The following COQ8A variants were observed in gnomAD, a reference collection of about 807,000 sequenced individuals.
The protein encoded by COQ8A is coenzyme Q8A.
In COQ8A, 51 loss-of-function variants were observed where a neutral mutation model predicts 65.0. That is an observed-to-expected ratio of 0.78 (90% CI 0.63 to 0.99). COQ8A has a LOEUF of 0.99. Ranked by LOEUF, COQ8A falls within the 50% of genes least tolerant of loss-of-function variation. COQ8A has a pLI of 0.00. For missense variants in COQ8A, 940 were observed against 875.0 expected (o/e 1.07, Z -0.94); for synonymous variants, 371 against 353.2 (o/e 1.05, Z -0.57).
chr1:226,952,590 T>C (rs1234619379), intron 1 of COQ8A, among the ~76,000 whole-genome samples: 1 of 151,994 alleles, frequency 6.6e-6, no homozygotes, highest in Non-Finnish European at 1.5e-5. Context: ...ATTTTTTTGT[T>C]TGTAGAGATG....
intron 1 of COQ8A, among the ~76,000 whole-genome samples, chr1:226,960,447 G>T (rs1458269485): frequency 7.7e-6 from 1 of 129,710 alleles, no homozygotes; most frequent in African/African-American, 2.8e-5. Flanking sequence ...GTGGTACTTG[G>T]TGGTGGTGGC....
chr1:226,977,526 G>T lies in COQ8A; in HGVS notation c.730+3G>T. On this transcript the variant is annotated splice_donor_region_variant and intron_variant, in intron 5 of 14. Coordinates refer to ENST00000366777, the MANE Select transcript of COQ8A (RefSeq NM_020247.5). Reference sequence around the variant, plus strand: ...CCTGCGCTCCGAGGACCCCTCAGGTGAGCCGGGCCCTTCAGTGGGAGGGGC... The same window carrying T: ...CCTGCGCTCCGAGGACCCCTCAGGTTAGCCGGGCCCTTCAGTGGGAGGGGC... 6.4e-7 allele frequency: 1 copy of T among 1,556,480 alleles called. No homozygotes were observed. Among genetic ancestry groups the T allele is most frequent in the Non-Finnish European group, 8.7e-7 (1 of 1,149,830 alleles).
intron 1 of COQ8A, among the ~76,000 whole-genome samples, chr1:226,948,470 T>G (rs1657180863): frequency 6.6e-6 from 1 of 152,206 alleles, no homozygotes; most frequent in Non-Finnish European, 1.5e-5. Context: ...CTGGGGATTG[T>G]GGTATGGGTA....
chr1:226,986,865 G>GC lies in COQ8A; in HGVS notation c.*132dup. On this transcript the variant is annotated 3_prime_UTR_variant, in exon 15 of 15. Transcript: ENST00000366777. Reference sequence around the variant, plus strand: ...CCAATAAGGGGGGTGGCTGCCTGGAGCCCCGTAGCCAGCGCTTTCCACGGT... The same window carrying GC: ...CCAATAAGGGGGGTGGCTGCCTGGAGCCCCCGTAGCCAGCGCTTTCCACGGT... 2 of 1,184,300 alleles carry GC rather than the reference G, an allele frequency of 1.7e-6. No homozygotes were observed. The highest frequency in any genetic ancestry group is 2.4e-6 in the Non-Finnish European group (2 of 838,236). The allele number at this position is 1,184,300 out of a possible 1,614,324, so 73.4% of individuals were successfully genotyped here.
chr1:226,958,735 G>A (rs1657967328), intron 1 of COQ8A, among the ~76,000 whole-genome samples: 1 of 152,178 alleles, frequency 6.6e-6, no homozygotes. Flanking sequence ...TCTTTTGGCT[G>A]CCCCTCCTCA....
rs568349198 is a variant in COQ8A at position 226,984,405 on chromosome 1, C to T, written c.1399-143C>T. 3.3e-4 allele frequency: 417 copies of T among 1,282,430 alleles called. 2 individuals carry two copies. Among genetic ancestry groups the T allele is most frequent in the Middle Eastern group, 1.4e-3 (7 of 5,108 alleles). 79.4% of individuals were successfully genotyped at this position (1,282,430 alleles called of 1,614,324 possible). ...GGGGACACAGGGGAGCTGCTGCCTT[C>T]CCTGGCCCAAGTAACACTGGGAATC... On this transcript the variant is annotated intron_variant, in intron 11 of 14. Coordinates refer to ENST00000366777, the MANE Select transcript of COQ8A (RefSeq NM_020247.5).
chr1:226,975,617 G>T (rs1157246086), intron 4 of COQ8A, among the ~76,000 whole-genome samples: 2 of 152,170 alleles, frequency 1.3e-5, no homozygotes, highest in Non-Finnish European at 2.9e-5. Flanking sequence ...ACAATTATAT[G>T]TGTGGCTTGC....
intron 4 of COQ8A, among the ~76,000 whole-genome samples, chr1:226,969,911 T>G (rs1658784870): frequency 6.6e-6 from 1 of 152,220 alleles, no homozygotes; most frequent in Non-Finnish European, 1.5e-5. Flanking sequence ...ATGTCCCCCT[T>G]TTTCTCACCT....
intron 1 of COQ8A, among the ~76,000 whole-genome samples, chr1:226,942,986 A>G (rs1656794805): frequency 6.6e-6 from 1 of 152,232 alleles, no homozygotes; most frequent in South Asian, 2.1e-4. Flanking sequence ...AGGGCAAGGA[A>G]AACCATCCTA....
chr1:226,983,456 A>G (rs1659839708), intron 8 of COQ8A, 96 bp from the exon 9 acceptor site: 1 of 1,168,014 alleles, frequency 8.6e-7, no homozygotes, highest in East Asian at 2.5e-5. Context: ...GGGCCAGGAC[A>G]CAGCTGGGAA....
intron 8 of COQ8A, 106 bp downstream of exon 8, chr1:226,983,140 C>T: frequency 2.7e-6 from 4 of 1,458,682 alleles, no homozygotes; most frequent in East Asian, 2.5e-5. Flanking sequence ...AGGGCACCCT[C>T]TCTCCTGGCA....
chr1:226,984,148 C>T lies in COQ8A; in HGVS notation c.1311C>T (p.Leu437=), dbSNP rs1277681914. ...ATGTGCCTGAGATTGTGGATGAGCT[C>T]TGCAGCCCACATGTGCTGACCACAG... ...FFYVPEIVDE[L]CSPHVLTTEL... Residue 437 remains leucine, a synonymous_variant, in exon 11 of 15, where the codon CTC becomes CTT. Transcript: ENST00000366777. 3 of 1,613,882 alleles carry T rather than the reference C, an allele frequency of 1.9e-6. No individual in the cohort carries two copies. The highest frequency in any genetic ancestry group is 2.5e-6 in the Non-Finnish European group (3 of 1,180,004).
intron 1 of COQ8A, among the ~76,000 whole-genome samples, chr1:226,960,518 G>A (rs1658172086): frequency 6.6e-6 from 1 of 151,526 alleles, no homozygotes; most frequent in Non-Finnish European, 1.5e-5. Flanking sequence ...TGGTGGTGGT[G>A]GTGCTTGGTG....
intron 1 of COQ8A, among the ~76,000 whole-genome samples, chr1:226,952,384 A>G (rs1235006527): frequency 1.3e-5 from 2 of 151,850 alleles, no homozygotes; most frequent in Non-Finnish European, 2.9e-5. Context: ...TTAATAAAAG[A>G]TATTTAAGAT....
Position 226,984,171 on chromosome 1 carries a change from C to T in COQ8A, c.1334C>T (p.Thr445Ile), listed in dbSNP as rs751500793. Residue 445 changes from threonine (T) to isoleucine (I), a missense_variant, in exon 11 of 15, where the codon ACA becomes ATA. Physicochemically the swap from Thr to Ile is moderately conservative, Grantham distance 89. Coordinates refer to ENST00000366777, the MANE Select transcript of COQ8A (RefSeq NM_020247.5). ...CTCTGCAGCCCACATGTGCTGACCA[C>T]AGAGCTGGTGTCTGGCTTCCCCCTG... is the stretch of plus-strand genomic sequence containing the variant. ...DELCSPHVLT[T>I]ELVSGFPLDQ... 6.2e-7 allele frequency: 1 copy of T among 1,613,852 alleles called. No individual in the cohort carries two copies. The highest frequency in any genetic ancestry group is 2.2e-5 in the East Asian group (1 of 44,856).
At chr1:226,964,909 G>C in intron 2 of COQ8A, 91 bp from the exon 3 acceptor site, 1 of 1,447,242 alleles carries the variant, frequency 6.9e-7, no homozygotes, top group Non-Finnish European at 9.6e-7. Flanking sequence ...GCGGGATGCT[G>C]GTGGTGTGCT....
chr1:226,962,386 T>C (rs1415474430), intron 2 of COQ8A, among the ~76,000 whole-genome samples: 1 of 152,218 alleles, frequency 6.6e-6, no homozygotes, highest in Non-Finnish European at 1.5e-5. Context: ...AATCGTGTGC[T>C]GGAGAGGTGA....
rs767350094 is a variant in COQ8A at position 226,986,581 on chromosome 1, G to A, written c.1788G>A (p.Arg596=). ...KIHNLIPVML[R]HRLVPPPEET... ...ACAACCTGATTCCCGTCATGCTGAG[G>A]CACCGTCTCGTCCCCCCACCCGAGG... Residue 596 remains arginine (R), a synonymous_variant, in exon 15 of 15, where the codon AGG becomes AGA. Coordinates refer to ENST00000366777, the MANE Select transcript of COQ8A (RefSeq NM_020247.5). 1.3e-5 allele frequency: 21 copies of A among 1,613,644 alleles called. No individual in the cohort carries two copies. The African/African-American group carries it at 1.9e-4, about 14-fold the overall frequency.
chr1:226,986,086 T>A (rs1007596714), intron 14 of COQ8A, among the ~76,000 whole-genome samples: 1 of 152,178 alleles, frequency 6.6e-6, no homozygotes, highest in Admixed American at 6.5e-5. Context: ...GGGTGTGTCT[T>A]GGGTGGACTC....
Sources: gnomAD v4.1 joint callset for allele counts (sites outside exome capture counted in the v4.1 genomes callset) on GRCh38, gnomAD v4.1.1 for gene constraint, MANE v1.5 for transcripts, NCBI Gene and HGNC (gene_info 2026-07-23, HGNC 2026-07-21) for gene names.